The following TAOK3 variants were observed in gnomAD, a reference collection of about 807,000 sequenced individuals.
The protein encoded by TAOK3 is serine/threonine-protein kinase TAO3.
Under a neutral mutation model 120.4 loss-of-function variants are expected in TAOK3, and 40 were observed. The observed-to-expected ratio is 0.33, with a 90% CI of 0.26 to 0.43. The LOEUF (loss-of-function observed/expected upper bound fraction) is 0.43, where lower values mean the gene tolerates loss of function less well. Ranked by LOEUF, TAOK3 falls within the 20% of genes least tolerant of loss-of-function variation. The probability of loss-of-function intolerance (pLI) is 1.00; values close to 1 mark genes in which losing one functional copy is unlikely to be tolerated. For missense variants in TAOK3, 821 were observed against 1,112.1 expected (o/e 0.74, Z 3.72); for synonymous variants, 355 against 387.5 (o/e 0.92, Z 0.99).
intron 9 of TAOK3, among the ~76,000 whole-genome samples, chr12:118,216,928 C>CAAAAAAAAAAAA (rs11298822): frequency 8.9e-5 from 8 of 89,904 alleles, no homozygotes; most frequent in African/African-American, 1.3e-4. Flanking sequence ...GACTCCATCT[C>CAAAAAAAAAAAA]AAAAAAAAAA....
At chr12:118,196,992 T>C (rs1423439495) in intron 13 of TAOK3, among the ~76,000 whole-genome samples, 1 of 152,224 alleles carries the variant, frequency 6.6e-6, no homozygotes, top group East Asian at 1.9e-4. Context: ...CCTATTTATG[T>C]TCCCAAGTGA....
At chr12:118,206,406 G>A (rs1461832548) in intron 11 of TAOK3, among the ~76,000 whole-genome samples, 1 of 152,094 alleles carries the variant, frequency 6.6e-6, no homozygotes, top group Non-Finnish European at 1.5e-5. Context: ...CTTAGATAAA[G>A]TGTAGCCTTT....
intron 1 of TAOK3, among the ~76,000 whole-genome samples, chr12:118,362,317 TA>T (rs10652375): frequency 0.017 from 1,753 of 105,504 alleles, 11 homozygotes; most frequent in Middle Eastern, 0.03. Context: ...GCTGATGGGC[TA>T]AAAAAAAAAA....
chr12:118,361,582 A>T (rs1566176471), intron 1 of TAOK3, among the ~76,000 whole-genome samples: 1 of 151,120 alleles, frequency 6.6e-6, no homozygotes, highest in Non-Finnish European at 1.5e-5. Flanking sequence ...CTCAGCCTCC[A>T]GAGTAGCTGG....
At chr12:118,207,858 T>TCTCACACACACACACACA (rs147799225) in intron 11 of TAOK3, among the ~76,000 whole-genome samples, 6 of 144,448 alleles carry the variant, frequency 4.2e-5, no homozygotes, top group East Asian at 4.1e-4. Flanking sequence ...AGACTCTGTC[T>TCTCACACACACACACACA]CACACACACA....
chr12:118,185,831 G>GC (rs1405806063), intron 14 of TAOK3, among the ~76,000 whole-genome samples: 2 of 152,158 alleles, frequency 1.3e-5, no homozygotes, highest in Admixed American at 1.3e-4. Flanking sequence ...TATGGGTTGG[G>GC]CATGTAGATT....
chr12:118,166,942 T>A (rs934359746), intron 17 of TAOK3, among the ~76,000 whole-genome samples: 1 of 152,012 alleles, frequency 6.6e-6, no homozygotes, highest in African/African-American at 2.4e-5. Context: ...GTCCAGTGTG[T>A]TTCAAGCACT....
chr12:118,258,466 T>C (rs353891), intron 2 of TAOK3, among the ~76,000 whole-genome samples: 110,283 of 152,074 alleles, frequency 0.73, 40,079 homozygotes, highest in South Asian at 0.76. Context: ...GTAATCCCAG[T>C]ACTTTGGGAG....
chr12:118,316,047 GTAA>G (rs1246705036), intron 1 of TAOK3, among the ~76,000 whole-genome samples: 1 of 152,158 alleles, frequency 6.6e-6, no homozygotes, highest in Non-Finnish European at 1.5e-5. Flanking sequence ...CAAGGGGAAT[GTAA>G]TGAGACATCA....
chr12:118,367,305 GA>G (rs200975493), intron 1 of TAOK3, among the ~76,000 whole-genome samples: 1 of 151,266 alleles, frequency 6.6e-6, no homozygotes, highest in Non-Finnish European at 1.5e-5. Flanking sequence ...ATTCAGACAG[GA>G]AAAAAATGTA....
At chr12:118,215,932 G>T (rs1457261605) in intron 9 of TAOK3, among the ~76,000 whole-genome samples, 3 of 151,812 alleles carry the variant, frequency 2.0e-5, no homozygotes, top group Non-Finnish European at 4.4e-5. Context: ...GGGCGCGTTG[G>T]CTGACACCTA....
intron 1 of TAOK3, among the ~76,000 whole-genome samples, chr12:118,322,461 T>C (rs993360486): frequency 2.6e-5 from 4 of 152,034 alleles, no homozygotes; most frequent in African/African-American, 9.7e-5. Flanking sequence ...TAAAATTTGA[T>C]ACAGAACAGA....
At chr12:118,352,062 T>C (rs1352604215) in intron 1 of TAOK3, among the ~76,000 whole-genome samples, 1 of 150,676 alleles carries the variant, frequency 6.6e-6, no homozygotes, top group Non-Finnish European at 1.5e-5. Context: ...TTAGTAGAGA[T>C]GGGGTTTCAC....
chr12:118,208,151 T>C, intron 11 of TAOK3, among the ~76,000 whole-genome samples: 1 of 152,210 alleles, frequency 6.6e-6, no homozygotes, highest in Middle Eastern at 3.2e-3. Context: ...ACATTGCAAA[T>C]GTTTCTAACA....
chr12:118,262,826 C>CAA (rs61453663), intron 2 of TAOK3, among the ~76,000 whole-genome samples: 16,345 of 73,496 alleles, frequency 0.22, 1,210 homozygotes, highest in East Asian at 0.38. Context: ...GACTCCGTCT[C>CAA]AAAAAAAAAA....
intron 15 of TAOK3, among the ~76,000 whole-genome samples, chr12:118,179,060 A>G (rs1296017193): frequency 6.6e-6 from 1 of 152,240 alleles, no homozygotes; most frequent in Non-Finnish European, 1.5e-5. Flanking sequence ...TCAAATCCCA[A>G]GAAAGAATCT....
chr12:118,356,295 C>CTTTTTTT (rs949021724), intron 1 of TAOK3, among the ~76,000 whole-genome samples: 3 of 109,330 alleles, frequency 2.7e-5, no homozygotes, highest in South Asian at 3.0e-4. Flanking sequence ...TGGTCACTTT[C>CTTTTTTT]TTTTTTTTTT....
At chr12:118,164,504 G>T (rs574428298) in intron 17 of TAOK3, among the ~76,000 whole-genome samples, 1 of 151,750 alleles carries the variant, frequency 6.6e-6, no homozygotes, top group Non-Finnish European at 1.5e-5. Context: ...TGCAACCTCC[G>T]CCTCCAGGGT....
At chr12:118,283,705 G>T in intron 1 of TAOK3, 1 of 179,796 alleles carries the variant, frequency 5.6e-6, no homozygotes. Context: ...ACTCCAGCCT[G>T]GTGACAGAGC....
Sources: gnomAD v4.1 joint callset for allele counts (sites outside exome capture counted in the v4.1 genomes callset) on GRCh38, gnomAD v4.1.1 for gene constraint, MANE v1.5 for transcripts, NCBI Gene and HGNC (gene_info 2026-07-23, HGNC 2026-07-21) for gene names.